Variants in CUX2 observed in about 807,000 individuals in gnomAD.
The protein encoded by CUX2 is homeobox protein cut-like 2.
CUX2 carries 40 observed loss-of-function variants against 144.8 expected under a neutral mutation model. That is an observed-to-expected ratio of 0.28 (90% CI 0.21 to 0.36). The LOEUF is 0.36. Ranked by LOEUF, CUX2 falls within the 10% of genes least tolerant of loss-of-function variation. The pLI is 1.00. For missense variants in CUX2, 1,615 were observed against 1,994.0 expected (o/e 0.81, Z 3.62); for synonymous variants, 827 against 875.6 (o/e 0.94, Z 0.98).
In CUX2 at chr12:111,188,159, A is replaced by G. The variant is rs539870559; in HGVS notation, c.64-26041A>G. Among the ~76,000 whole-genome samples the G allele has an allele frequency of 7.9e-5, 12 of 152,378 alleles. No individual in the cohort carries two copies. In the East Asian group the frequency reaches 2.3e-3, roughly 29 times the overall value. On this transcript the variant is annotated intron_variant, in intron 1 of 21. Coordinates refer to ENST00000261726, the MANE Select transcript of CUX2 (RefSeq NM_015267.4). ...CACTTCTGGCCTTGTTCCTTCAGCA[A>G]GCATTTATTGAGCACCTACTGTGTG...
chr12:111,342,983 C>T (rs986471950), intron 21 of CUX2, among the ~76,000 whole-genome samples: 1 of 144,984 alleles, frequency 6.9e-6, no homozygotes. Context: ...AAAAAAAATC[C>T]AGCACATAGT....
intron 1 of CUX2, among the ~76,000 whole-genome samples, chr12:111,098,300 T>G (rs528348302): frequency 6.6e-6 from 1 of 151,772 alleles, no homozygotes; most frequent in East Asian, 1.9e-4. Context: ...CTTGGGAGGC[T>G]GAGGCAGGAG....
Position 111,178,470 on chromosome 12 carries a change from C to T in CUX2, c.64-35730C>T, listed in dbSNP as rs1050220265. 6.6e-6 allele frequency among the ~76,000 whole-genome samples: 1 copy of T among 152,150 alleles called. No individual in the cohort carries two copies. The highest frequency in any genetic ancestry group is 2.4e-5 in the African/African-American group (1 of 41,428). Reference sequence around the variant, plus strand: ...ACAACTTCCTTGGCTCAAGGGTGGACTTATGACCCGGTCCAGCCACTCCCC... The same window carrying T: ...ACAACTTCCTTGGCTCAAGGGTGGATTTATGACCCGGTCCAGCCACTCCCC... On this transcript the variant is annotated intron_variant, in intron 1 of 21. Coordinates refer to ENST00000261726, the MANE Select transcript of CUX2 (RefSeq NM_015267.4). This position sits in a 1 kb window ranked among gnomAD's most constrained non-coding sequence, Gnocchi z 5.7.
In CUX2 at chr12:111,347,537, C is replaced by A; in HGVS notation, c.3673C>A (p.Arg1225=). The change falls in exon 22 of 22, where the codon CGG becomes AGG. Residue 1225 remains arginine, a synonymous_variant. Transcript: ENST00000261726. ...WFHNYRSRMR[R]EMLVEGTQDE... ...TCTCTGCCCCAGGTCCCGGATGCGC[C>A]GGGAGATGTTGGTGGAGGGGACCCA... 6.3e-7 allele frequency: 1 copy of A among 1,599,446 alleles called. No homozygotes were observed. The highest frequency in any genetic ancestry group is 1.3e-5 in the African/African-American group (1 of 74,522).
intron 3 of CUX2, among the ~76,000 whole-genome samples, chr12:111,236,235 C>T (rs769577395): frequency 2.6e-5 from 4 of 152,100 alleles, no homozygotes; most frequent in Non-Finnish European, 4.4e-5. Context: ...AGAAAGGGCT[C>T]GTGCTGAACC....
At chr12:111,166,040 A>T (rs1878120052) in intron 1 of CUX2, among the ~76,000 whole-genome samples, 1 of 152,034 alleles carries the variant, frequency 6.6e-6, no homozygotes, top group African/African-American at 2.4e-5. Flanking sequence ...GTTTTTATAG[A>T]CTGGGTGTCT....
At chr12:111,156,032 G>T (rs985848751) in intron 1 of CUX2, among the ~76,000 whole-genome samples, 1 of 152,274 alleles carries the variant, frequency 6.6e-6, no homozygotes, top group Admixed American at 6.5e-5. Context: ...GAAAATTCTT[G>T]CTTTCTGCCT....
intron 3 of CUX2, among the ~76,000 whole-genome samples, chr12:111,245,806 A>C (rs1445114513): frequency 6.6e-6 from 1 of 152,048 alleles, no homozygotes; most frequent in African/African-American, 2.4e-5. Context: ...CACAACCTGG[A>C]CACAAACAGA....
intron 1 of CUX2, among the ~76,000 whole-genome samples, chr12:111,090,740 G>A (rs1872510393): frequency 6.6e-6 from 1 of 151,998 alleles, no homozygotes; most frequent in African/African-American, 2.4e-5. Context: ...TCATGTTAGA[G>A]ATACAAGCTC....
chr12:111,329,643 T>C (rs1002464361), intron 18 of CUX2, among the ~76,000 whole-genome samples: 1 of 152,086 alleles, frequency 6.6e-6, no homozygotes, highest in Non-Finnish European at 1.5e-5. Flanking sequence ...TTTGTTTGTT[T>C]GTTTGTTTTC....
At chr12:111,194,929 G>A (rs1188802215) in intron 1 of CUX2, among the ~76,000 whole-genome samples, 1 of 152,188 alleles carries the variant, frequency 6.6e-6, no homozygotes, top group Non-Finnish European at 1.5e-5. Context: ...CCACCCAGTG[G>A]CCATCAGAAG....
chr12:111,338,199 T>C, intron 19 of CUX2, 87 bp from the exon 20 acceptor site: 1 of 1,380,056 alleles, frequency 7.2e-7, no homozygotes, highest in African/African-American at 1.4e-5. Context: ...CTCTCCCCTG[T>C]GTCTCTGGCC....
At chr12:111,200,590 G>C (rs898582059) in intron 1 of CUX2, among the ~76,000 whole-genome samples, 17 of 152,040 alleles carry the variant, frequency 1.1e-4, no homozygotes, top group African/African-American at 4.1e-4. Context: ...AGACTCTCGG[G>C]TAACCCTACC....
chr12:111,348,080 C>T lies in CUX2; in HGVS notation c.4216C>T (p.Leu1406Phe), dbSNP rs1023255246. The T allele has an allele frequency of 1.7e-5, 28 of 1,614,016 alleles. No individual in the cohort carries two copies. Among genetic ancestry groups the T allele is most frequent in the Non-Finnish European group, 2.3e-5 (27 of 1,180,046 alleles). ...NSPSAASSPG[L>F]MMSVSPVPSS... is the part of the protein sequence containing the mutation. ...GCCCTCGGCCGCCTCCTCACCAGGC[C>T]TCATGATGTCTGTGTCACCTGTCCC... The change falls in exon 22 of 22, where the codon CTC becomes TTC. Residue 1406 changes from leucine (L) to phenylalanine (F), a missense_variant. Around this residue, in one of 12 missense-constraint regions of CUX2, gnomAD observed 298 missense variants for 330.4 expected, o/e 0.90. Transcript: ENST00000261726.
chr12:111,331,144 A>G (rs1356580757), intron 18 of CUX2, among the ~76,000 whole-genome samples: 1 of 151,914 alleles, frequency 6.6e-6, no homozygotes, highest in Non-Finnish European at 1.5e-5. Context: ...TTAATCACCA[A>G]GACAAGGTGA....
chr12:111,230,361 T>C (rs181139296), intron 3 of CUX2, among the ~76,000 whole-genome samples: 36 of 152,238 alleles, frequency 2.4e-4, no homozygotes, highest in Admixed American at 2.1e-3. Context: ...AATCTTTCAC[T>C]ATTCAGTGTG....
chr12:111,154,969 A>C (rs756209970), intron 1 of CUX2, among the ~76,000 whole-genome samples: 1 of 152,176 alleles, frequency 6.6e-6, no homozygotes, highest in Non-Finnish European at 1.5e-5. Context: ...CTGCTGTGGT[A>C]GGTGCTATGG....
At chr12:111,319,973 G>A in intron 16 of CUX2, 39 bp from the exon 17 acceptor site, 1 of 1,437,082 alleles carries the variant, frequency 7.0e-7, no homozygotes, top group Non-Finnish European at 9.1e-7. Context: ...GCCGAGCCCT[G>A]ACCCTGGGCC....
In CUX2 at chr12:111,277,564, T is replaced by A. The variant is rs1186740316; in HGVS notation, c.301+13725T>A. ...CTCCCCCAGCCCTGCTTCATTTTGC[T>A]TCTGAGCCCATCTCACTCCAGTTGC... On this transcript the variant is annotated intron_variant, in intron 4 of 21. Coordinates refer to ENST00000261726, the MANE Select transcript of CUX2 (RefSeq NM_015267.4). This position sits in a 1 kb window ranked among gnomAD's most constrained non-coding sequence, Gnocchi z 5.0. 6.6e-6 allele frequency among the ~76,000 whole-genome samples: 1 copy of A among 151,972 alleles called. No individual in the cohort carries two copies. Among genetic ancestry groups the A allele is most frequent in the African/African-American group, 2.4e-5 (1 of 41,386 alleles).
Sources: allele counts gnomAD v4.1 joint callset (sites outside exome capture counted in the v4.1 genomes callset), GRCh38; gene constraint gnomAD v4.1.1; regional missense constraint gnomAD v4.1.1; non-coding constraint Gnocchi (gnomAD v3.1); transcripts MANE v1.5; gene names NCBI Gene and HGNC (gene_info 2026-07-23, HGNC 2026-07-21).